The following PRRC2C variants were observed in gnomAD, a reference collection of about 807,000 sequenced individuals.
PRRC2C encodes the protein protein PRRC2C.
PRRC2C carries 72 observed loss-of-function variants against 317.2 expected under a neutral mutation model. That is an observed-to-expected ratio of 0.23 (90% CI 0.19 to 0.28). The LOEUF (loss-of-function observed/expected upper bound fraction) is 0.28. PRRC2C is among the 10% of genes least tolerant of loss of function. PRRC2C has a pLI of 1.00. For missense variants in PRRC2C, 3,074 were observed against 3,459.7 expected (o/e 0.89, Z 2.80); for synonymous variants, 1,296 against 1,205.9 (o/e 1.07, Z -1.55).
At chr1:171,531,438 T>C (rs1455873802) in intron 11 of PRRC2C, among the ~76,000 whole-genome samples, 1 of 152,216 alleles carries the variant, frequency 6.6e-6, no homozygotes, top group East Asian at 1.9e-4. Flanking sequence ...ATGAAGTAAT[T>C]TGCATATGAT....
At chr1:171,564,912 T>C (rs1033128373) in intron 20 of PRRC2C, among the ~76,000 whole-genome samples, 15 of 152,256 alleles carry the variant, frequency 9.9e-5, no homozygotes, top group Non-Finnish European at 2.9e-5. Flanking sequence ...GCGTTGTTCA[T>C]ACTCTTGACA....
rs1651485623 is a variant in PRRC2C, at chr1:171,591,735, G to A, written c.8585G>A (p.Cys2862Tyr). Residue 2862 changes from cysteine to tyrosine, a missense_variant, in exon 35 of 35, where the codon TGT becomes TAT. By Grantham distance (194) the Cys-to-Tyr change is radical. Around this residue, in one of 11 missense-constraint regions of PRRC2C, gnomAD observed 78 missense variants for 97.7 expected, o/e 0.80. Transcript: ENST00000647382. ...PETLTDPPGV[C>Y]QEKVEEKPPP... Reference sequence around the variant, plus strand: ...ACACTGACCGACCCTCCTGGGGTCTGTCAGGAAAAAGTAGAAGAAAAGCCA... The same window carrying A: ...ACACTGACCGACCCTCCTGGGGTCTATCAGGAAAAAGTAGAAGAAAAGCCA... 1.2e-6 allele frequency: 2 copies of A among 1,613,870 alleles called. No individual in the cohort carries two copies. The highest frequency in any genetic ancestry group is 1.7e-6 in the Non-Finnish European group (2 of 1,179,878).
intron 15 of PRRC2C, among the ~76,000 whole-genome samples, chr1:171,539,368 T>G (rs1170831756): frequency 1.3e-5 from 2 of 152,222 alleles, no homozygotes; most frequent in African/African-American, 4.8e-5. Context: ...TAACAAAAAT[T>G]TAATCATATG....
intron 1 of PRRC2C, among the ~76,000 whole-genome samples, chr1:171,498,463 C>A (rs921639387): frequency 2.6e-5 from 4 of 152,196 alleles, no homozygotes; most frequent in African/African-American, 9.7e-5. Flanking sequence ...CCACATGGCC[C>A]AATCACCTCC....
chr1:171,521,452 G>C (rs1673534240), intron 6 of PRRC2C, among the ~76,000 whole-genome samples: 1 of 152,038 alleles, frequency 6.6e-6, no homozygotes, highest in Admixed American at 6.5e-5. Flanking sequence ...GACCTGTTTG[G>C]GACAGTTTAT....
At chr1:171,564,903 C>T (rs181434269) in intron 20 of PRRC2C, among the ~76,000 whole-genome samples, 339 of 152,198 alleles carry the variant, frequency 2.2e-3, no homozygotes, top group African/African-American at 7.8e-3. Flanking sequence ...GAATTGCATG[C>T]GTTGTTCATA....
In PRRC2C at chr1:171,541,583, C is replaced by T. The variant is rs141613899; in HGVS notation, c.4117C>T (p.Arg1373Trp). Residue 1373 changes from arginine (R) to tryptophan (W), a missense_variant, in exon 16 of 35, where the codon CGG becomes TGG. Arg to Trp is a moderately radical substitution (Grantham distance 101). Around this residue, in one of 11 missense-constraint regions of PRRC2C, gnomAD observed 1,320 missense variants for 1,395.7 expected, o/e 0.95. Transcript: ENST00000647382. This position sits in a 1 kb window ranked among gnomAD's most constrained non-coding sequence, Gnocchi z 4.1. ...RPSTLRRPAY[R>W]DNQWNPRQSE... is the part of the protein sequence containing the mutation. ...TTCCACTTTACGAAGACCAGCTTAT[C>T]GGGACAATCAGTGGAACCCAAGGCA... The T allele has an allele frequency of 1.2e-5, 19 of 1,613,596 alleles. No individual in the cohort carries two copies. The highest frequency in any genetic ancestry group is 6.7e-5 in the Admixed American group (4 of 59,980).
intron 1 of PRRC2C, among the ~76,000 whole-genome samples, chr1:171,486,147 TC>T (rs1666042221): frequency 6.9e-6 from 1 of 145,274 alleles, no homozygotes; most frequent in Non-Finnish European, 1.5e-5. Context: ...GGTATGCGTT[TC>T]CCCAAACAAC....
intron 18 of PRRC2C, among the ~76,000 whole-genome samples, chr1:171,555,156 C>T (rs944377154): frequency 5.7e-4 from 87 of 152,206 alleles, no homozygotes; most frequent in African/African-American, 1.8e-3. Flanking sequence ...AGGCTTTGTT[C>T]GTTTCTTTTT....
At chr1:171,534,780 T>C (rs1256956040) in intron 12 of PRRC2C, among the ~76,000 whole-genome samples, 1 of 152,200 alleles carries the variant, frequency 6.6e-6, no homozygotes, top group Non-Finnish European at 1.5e-5. Flanking sequence ...AAAAATGTTA[T>C]TTGTGATTCT....
chr1:171,554,099 T>A (rs576737464), intron 18 of PRRC2C, among the ~76,000 whole-genome samples: 43 of 152,216 alleles, frequency 2.8e-4, no homozygotes, highest in African/African-American at 1.0e-3. Context: ...TGTGTGGGAG[T>A]CTAAGTCTCT....
Position 171,571,185 on chromosome 1 carries a change from CTT to C in PRRC2C, c.6652-134_6652-133del, listed in dbSNP as rs143627119. Reference sequence around the variant, plus strand: ...CAACTACTATAAACACAATGTGACTCTTAAGTAATCACATATTTCTGTTAGCT... The same window carrying C: ...CAACTACTATAAACACAATGTGACTCAAGTAATCACATATTTCTGTTAGCT... On this transcript the variant is annotated intron_variant, in intron 23 of 34. Transcript: ENST00000647382. The C allele has an allele frequency of 8.4e-3, 4,767 of 570,838 alleles. 178 individuals carry two copies. The highest frequency in any genetic ancestry group is 0.079 in the African/African-American group (4,205 of 53,102). 35.4% of individuals were successfully genotyped at this position (570,838 alleles called of 1,614,324 possible). A position where few individuals can be genotyped will look rare whatever the true frequency, so the allele number is the denominator to read the frequency against.
At position 171,591,759 on chromosome 1, in the gene PRRC2C, C is replaced by A. The variant is rs202081291; in HGVS notation, c.8609C>A (p.Pro2870Gln). The change falls in exon 35 of 35, where the codon CCA becomes CAA. Residue 2870 changes from proline to glutamine, a missense_variant. Pro to Gln is a moderately conservative substitution (Grantham distance 76). Around this residue, in one of 11 missense-constraint regions of PRRC2C, gnomAD observed 78 missense variants for 97.7 expected, o/e 0.80. Transcript: ENST00000647382. ...TGTCAGGAAAAAGTAGAAGAAAAGC[C>A]ACCCCCTGCACCCTCCATAGCCACC... ...GVCQEKVEEK[P>Q]PPAPSIATKP... 945 of 1,613,548 alleles carry A rather than the reference C, an allele frequency of 5.9e-4. No individual in the cohort carries two copies. Among genetic ancestry groups the A allele is most frequent in the Non-Finnish European group, 7.2e-4 (850 of 1,179,832 alleles).
At chr1:171,523,944 G>A (rs796145447) in intron 9 of PRRC2C, among the ~76,000 whole-genome samples, 8 of 152,094 alleles carry the variant, frequency 5.3e-5, no homozygotes, top group African/African-American at 1.9e-4. Context: ...GCTAAGGCAG[G>A]AGAATCACTT....
chr1:171,500,463 A>G (rs1294305600), intron 1 of PRRC2C, among the ~76,000 whole-genome samples: 1 of 151,904 alleles, frequency 6.6e-6, no homozygotes, highest in African/African-American at 2.4e-5. Context: ...GACTGGTGCA[A>G]TCATAGCTCA....
intron 11 of PRRC2C, among the ~76,000 whole-genome samples, chr1:171,531,395 G>A (rs1675837182): frequency 6.6e-6 from 1 of 152,180 alleles, no homozygotes; most frequent in Non-Finnish European, 1.5e-5. Context: ...GCTTATCTCT[G>A]AGCTGTGGAT....
Position 171,575,140 on chromosome 1 carries a change from T to C in PRRC2C, c.6955+12T>C, listed in dbSNP as rs1294117175. The C allele has an allele frequency of 1.2e-6, 2 of 1,602,564 alleles. No individual in the cohort carries two copies. The highest frequency in any genetic ancestry group is 1.1e-5 in the South Asian group (1 of 89,908). ...AGCATCACTATCAGGTAGAACTTTT[T>C]CGTTCTGTTTCTTTAAATATCTTAC... On this transcript the variant is annotated intron_variant, in intron 25 of 34. Transcript: ENST00000647382.
intron 11 of PRRC2C, among the ~76,000 whole-genome samples, chr1:171,530,243 CTTTTTTT>C (rs778215422): frequency 3.2e-5 from 2 of 63,286 alleles, no homozygotes; most frequent in African/African-American, 1.3e-4. Flanking sequence ...TGTAGCTGGG[CTTTTTTT>C]TTTTTTTTTT....
rs1051891040 is a variant in PRRC2C at position 171,592,782 on chromosome 1, A to C, written c.*935A>C. 6.6e-6 allele frequency: 1 copy of C among 152,136 alleles called. No individual in the cohort carries two copies. The highest frequency in any genetic ancestry group is 1.5e-5 in the Non-Finnish European group (1 of 68,022). The allele number at this position is 152,136 out of a possible 1,614,324, so 9.4% of individuals were successfully genotyped here. On this transcript the variant is annotated 3_prime_UTR_variant, in exon 35 of 35. Coordinates refer to ENST00000647382, the MANE Select transcript of PRRC2C (RefSeq NM_001387844.1). ...GTACCTAGAACTGTGCCACTAATTAAAGGAAATCCTAAGAAGGTGCATTTC... is the reference window on the plus strand; with the variant it reads ...GTACCTAGAACTGTGCCACTAATTACAGGAAATCCTAAGAAGGTGCATTTC...
Sources: gnomAD v4.1 joint callset for allele counts (sites outside exome capture counted in the v4.1 genomes callset) on GRCh38, gnomAD v4.1.1 for gene constraint, gnomAD v4.1.1 regional missense constraint, Gnocchi (gnomAD v3.1) non-coding constraint, MANE v1.5 for transcripts, NCBI Gene and HGNC (gene_info 2026-07-23, HGNC 2026-07-21) for gene names.